Variants in WBP11 observed in about 807,000 individuals in gnomAD.
WBP11 encodes WW domain binding protein 11.
In WBP11, 12 loss-of-function variants were observed where a neutral mutation model predicts 66.7. That is an observed-to-expected ratio of 0.18 (90% CI 0.12 to 0.29). WBP11 has a LOEUF of 0.29. WBP11 is among the 10% of genes least tolerant of loss of function. WBP11 has a pLI of 1.00. For missense variants in WBP11, 555 were observed against 818.3 expected (o/e 0.68, Z 3.93); for synonymous variants, 255 against 273.8 (o/e 0.93, Z 0.68).
At chr12:14,799,845 C>T (rs1202115401) in intron 3 of WBP11, 117 bp from the exon 4 acceptor site, 7 of 865,058 alleles carry the variant, frequency 8.1e-6, no homozygotes, top group South Asian at 1.9e-5. Flanking sequence ...GTTTCAACCA[C>T]CAGAAACAGC....
At chr12:14,802,693 TG>T (rs1055666400) in intron 1 of WBP11, among the ~76,000 whole-genome samples, 1 of 36,866 alleles carries the variant, frequency 2.7e-5, no homozygotes, top group Non-Finnish European at 5.3e-5. Flanking sequence ...AAACTGGGGA[TG>T]GGGGGGTTAG....
At chr12:14,788,610 T>C (rs1005965053) in intron 11 of WBP11, among the ~76,000 whole-genome samples, 1 of 152,178 alleles carries the variant, frequency 6.6e-6, no homozygotes, top group Non-Finnish European at 1.5e-5. Context: ...ATGTCTAACC[T>C]TGACATTAGG....
At position 14,790,677 on chromosome 12, in the gene WBP11, T is replaced by C; in HGVS notation, c.1088A>G (p.Asp363Gly). The change falls in exon 10 of 12, where the codon GAC becomes GGC. Residue 363 changes from aspartate to glycine, a missense_variant. Coordinates refer to ENST00000261167, the MANE Select transcript of WBP11 (RefSeq NM_016312.3). ...TTGTGATTGCTTTTCTGCTTCAGAG[T>C]CATCAGAATCATCTTCATCATCGTC... ...SEDDDEDDSD[D>G]SEAEKQSQKQ... 6.2e-7 allele frequency: 1 copy of C among 1,614,188 alleles called. No individual in the cohort carries two copies. The highest frequency in any genetic ancestry group is 1.1e-5 in the South Asian group (1 of 91,082).
rs1271707338 is a variant in WBP11 at position 14,786,744 on chromosome 12, G to C, written c.*321C>G. 6 of 223,014 alleles carry C rather than the reference G, an allele frequency of 2.7e-5. No individual in the cohort carries two copies. Among genetic ancestry groups the C allele is most frequent in the Non-Finnish European group, 5.3e-5 (6 of 112,510 alleles). 13.8% of individuals were successfully genotyped at this position (223,014 alleles called of 1,614,324 possible). On this transcript the variant is annotated 3_prime_UTR_variant, in exon 12 of 12. Transcript: ENST00000261167. ...CTACTCCAGTGCCCACAGCACACAA[G>C]AGTCAAAACAAATAAGCAACTAAGA...
chr12:14,800,861 AT>A (rs1432429922), intron 2 of WBP11, 78 bp from the exon 3 acceptor site: 1 of 1,295,550 alleles, frequency 7.7e-7, no homozygotes, highest in African/African-American at 1.5e-5. Context: ...AATACAGGTA[AT>A]TCTTTATTGT....
chr12:14,801,646 G>T (rs891605123), intron 1 of WBP11, among the ~76,000 whole-genome samples: 4 of 152,156 alleles, frequency 2.6e-5, no homozygotes, highest in Non-Finnish European at 5.9e-5. Context: ...TGATGAGTGT[G>T]AAGACCACTT....
At chr12:14,802,778 C>G (rs1043119096) in intron 1 of WBP11, among the ~76,000 whole-genome samples, 17 of 152,094 alleles carry the variant, frequency 1.1e-4, no homozygotes, top group Non-Finnish European at 1.5e-5. Context: ...TATACAAGCT[C>G]TCCCATCTTT....
rs548526972 is a variant in WBP11, at chr12:14,785,958, AGAGT to A, written c.*1103_*1106del. 4.1e-4 allele frequency: 61 copies of A among 148,810 alleles called. No individual in the cohort carries two copies. In the Middle Eastern group the frequency reaches 0.011, roughly 26 times the overall value. The allele number at this position is 148,810 out of a possible 1,614,324, so 9.2% of individuals were successfully genotyped here. ...CATTAAATTAACATTAAACTTACTA[AGAGT>A]TAGTCTAAATTGGTAGATGAGTTTA... is the stretch of plus-strand genomic sequence containing the variant. On this transcript the variant is annotated 3_prime_UTR_variant, in exon 12 of 12. Transcript: ENST00000261167.
At position 14,793,763 on chromosome 12, in the gene WBP11, C is replaced by T; in HGVS notation, c.881G>A (p.Gly294Asp). Residue 294 changes from glycine to aspartate, a missense_variant, in exon 8 of 12, where the codon GGT becomes GAT. This residue lies in a region of WBP11 where 220 missense variants were observed against 268.2 expected (regional missense o/e 0.82). Coordinates refer to ENST00000261167, the MANE Select transcript of WBP11 (RefSeq NM_016312.3). Reference sequence around the variant, plus strand: ...CTTTTCTTCATTGTTGTCTCTCTCACCATTATCACGGTGCACAAATTCATC... The same window carrying T: ...CTTTTCTTCATTGTTGTCTCTCTCATCATTATCACGGTGCACAAATTCATC... ...DGDEFVHRDNGERDNNEEKKS... is the reference protein window; with the variant it reads ...DGDEFVHRDNDERDNNEEKKS... The T allele has an allele frequency of 6.2e-7, 1 of 1,614,030 alleles. No individual in the cohort carries two copies. The highest frequency in any genetic ancestry group is 8.5e-7 in the Non-Finnish European group (1 of 1,179,968).
intron 8 of WBP11, among the ~76,000 whole-genome samples, chr12:14,791,760 G>A (rs572736752): frequency 1.2e-4 from 19 of 152,228 alleles, no homozygotes; most frequent in Admixed American, 9.2e-4. Flanking sequence ...ACCAACCAGT[G>A]GTTAAAGAAA....
At chr12:14,793,681 C>G in intron 8 of WBP11, 50 bp downstream of exon 8, 1 of 1,566,554 alleles carries the variant, frequency 6.4e-7, no homozygotes, top group Non-Finnish European at 8.7e-7. Flanking sequence ...GGACCTTCAG[C>G]TTGTTTTCTC....
intron 5 of WBP11, among the ~76,000 whole-genome samples, chr12:14,795,633 G>A (rs1949885211): frequency 6.6e-6 from 1 of 152,176 alleles, no homozygotes; most frequent in South Asian, 2.1e-4. Flanking sequence ...AGGAGGCTGA[G>A]GGAGGAGAAT....
At chr12:14,797,251 A>C (rs548949275) in intron 4 of WBP11, among the ~76,000 whole-genome samples, 3 of 152,336 alleles carry the variant, frequency 2.0e-5, no homozygotes, top group African/African-American at 7.2e-5. Context: ...ATTGTAATAA[A>C]AATCAATTTT....
rs935004413 is a variant in WBP11 at position 14,792,504 on chromosome 12, G to A, written c.913+1227C>T. Among the ~76,000 whole-genome samples, 15 of 131,298 alleles carry A rather than the reference G, an allele frequency of 1.1e-4. 1 individual carries two copies. The highest frequency in any genetic ancestry group is 9.8e-4 in the East Asian group (5 of 5,110). 86.1% of individuals were successfully genotyped at this position (131,298 alleles called of 152,430 possible). The stretch of plus-strand genomic sequence containing the variant: ...GTGAGTATCAACTCAGAGTTGGGAC[G>A]GCCATTTTCAGAACATGTGTGTTGA... On this transcript the variant is annotated intron_variant, in intron 8 of 11. Transcript: ENST00000261167.
At chr12:14,801,284 C>G (rs751346767) in intron 2 of WBP11, 36 bp downstream of exon 2, 1 of 1,606,498 alleles carries the variant, frequency 6.2e-7, no homozygotes, top group African/African-American at 1.3e-5. Context: ...TTTTAACACT[C>G]TCCTACTTCA....
At position 14,797,002 on chromosome 12, in the gene WBP11, C is replaced by CCTG; in HGVS notation, c.191_192insCAG (p.Glu64delinsAspArg). 2 of 1,570,284 alleles carry CCTG rather than the reference C, an allele frequency of 1.3e-6. No homozygotes were observed. Among genetic ancestry groups the CCTG allele is most frequent in the South Asian group, 1.2e-5 (1 of 83,002 alleles). ...ATTGTGGCTGTTGCACTGGGTTAAA[C>CCTG]TCTAAGAGAAAAAGTAGATTATGGA... On this transcript the variant is annotated protein_altering_variant and splice_region_variant, in exon 5 of 12. Transcript: ENST00000261167.
Position 14,787,230 on chromosome 12 carries a change from C to T in WBP11, c.1761G>A (p.Arg587=). 6.2e-7 allele frequency: 1 copy of T among 1,614,196 alleles called. No homozygotes were observed. The highest frequency in any genetic ancestry group is 8.5e-7 in the Non-Finnish European group (1 of 1,180,038). ...RFVPTALRVR[R]ENKGATAAPQ... ...GAGCAGCAGTAGCCCCTTTATTCTC[C>T]CGACGTACTCTCAGTGCAGTGGGCA... Residue 587 remains arginine, a synonymous_variant, in exon 12 of 12, where the codon CGG becomes CGA. Coordinates refer to ENST00000261167, the MANE Select transcript of WBP11 (RefSeq NM_016312.3).
At chr12:14,788,658 T>C (rs1215269405) in intron 11 of WBP11, among the ~76,000 whole-genome samples, 1 of 152,238 alleles carries the variant, frequency 6.6e-6, no homozygotes, top group Non-Finnish European at 1.5e-5. Flanking sequence ...TTTTAAACTT[T>C]AAGTTGGTAC....
intron 1 of WBP11, among the ~76,000 whole-genome samples, chr12:14,803,104 G>A (rs898943690): frequency 6.6e-6 from 1 of 152,178 alleles, no homozygotes; most frequent in African/African-American, 2.4e-5. Context: ...GGTACAAGAC[G>A]TCAAACCTAA....
Sources: allele counts gnomAD v4.1 joint callset (sites outside exome capture counted in the v4.1 genomes callset), GRCh38; gene constraint gnomAD v4.1.1; regional missense constraint gnomAD v4.1.1; transcripts MANE v1.5; gene names NCBI Gene and HGNC (gene_info 2026-07-23, HGNC 2026-07-21).